GSN: variants seen among roughly 807,000 people sequenced by gnomAD.
GSN encodes actin-depolymerizing factor.
GSN carries 56 observed loss-of-function variants against 85.7 expected under a neutral mutation model. The ratio of observed to expected loss-of-function variants is 0.65; its 90% CI spans 0.53 to 0.82. GSN has a LOEUF of 0.82. Ranked by LOEUF, GSN falls within the 40% of genes least tolerant of loss-of-function variation. GSN has a pLI of 0.00. For synonymous variants in GSN, 373 were observed against 399.1 expected (o/e 0.93, Z 0.78); for missense variants, 857 against 979.8 (o/e 0.87, Z 1.67).
intron 4 of GSN, among the ~76,000 whole-genome samples, chr9:121,218,765 T>C (rs908827648): frequency 5.3e-5 from 8 of 152,224 alleles, no homozygotes; most frequent in African/African-American, 1.7e-4. Context: ...CAAATGTCCC[T>C]GTGCAAGCCA....
intron 11 of GSN, among the ~76,000 whole-genome samples, chr9:121,322,082 C>T (rs2062541361): frequency 6.6e-6 from 1 of 152,124 alleles, no homozygotes. Context: ...TTACATGGTT[C>T]AAAAATCAAA....
intron 1 of GSN, among the ~76,000 whole-genome samples, chr9:121,270,060 AG>A (rs1320091105): frequency 6.6e-6 from 1 of 152,230 alleles, no homozygotes; most frequent in African/African-American, 2.4e-5. Context: ...TGTCTAGGTG[AG>A]CCAGACCTCA....
At chr9:121,267,901 T>C (rs10818524), upstream of GSN, among the ~76,000 whole-genome samples, 57,448 of 152,042 alleles carry the variant, frequency 0.38, 13,513 homozygotes, top group East Asian at 0.6. Flanking sequence ...ACCCTAGGCC[T>C]CTTCAGATCT....
chr9:121,327,600 C>A, intron 14 of GSN, 118 bp downstream of exon 14: 1 of 790,694 alleles, frequency 1.3e-6, no homozygotes, highest in East Asian at 2.7e-5. Context: ...GGGCCTGTCC[C>A]CTAATGTATG....
chr9:121,224,250 C>T (rs1470880067), intron 4 of GSN, among the ~76,000 whole-genome samples: 2 of 152,086 alleles, frequency 1.3e-5, no homozygotes, highest in Non-Finnish European at 1.5e-5. Context: ...GCGCCCGTCA[C>T]CACGCCCGGC....
chr9:121,255,154 T>G (rs1412962398), intron 6 of GSN, among the ~76,000 whole-genome samples: 2 of 152,172 alleles, frequency 1.3e-5, no homozygotes, highest in Non-Finnish European at 2.9e-5. Context: ...TTCACCGTAT[T>G]AGCCAGGATG....
chr9:121,257,459 G>C (rs567464860), intron 6 of GSN, among the ~76,000 whole-genome samples: 1 of 152,306 alleles, frequency 6.6e-6, no homozygotes, highest in African/African-American at 2.4e-5. Flanking sequence ...CTTCCACGAA[G>C]GTATGTGACC....
intron 12 of GSN, among the ~76,000 whole-genome samples, chr9:121,326,192 A>C (rs2063143777): frequency 6.6e-6 from 1 of 151,252 alleles, no homozygotes; most frequent in African/African-American, 2.4e-5. Flanking sequence ...GTCCACCAGC[A>C]ATCCCTGTGC....
At chr9:121,298,181 C>T (rs2059394852) in intron 2 of GSN, among the ~76,000 whole-genome samples, 1 of 152,108 alleles carries the variant, frequency 6.6e-6, no homozygotes, top group South Asian at 2.1e-4. Flanking sequence ...CCCTCTGCAG[C>T]CTCCTCTGCT....
intron 5 of GSN, chr9:121,312,095 T>A: frequency 2.1e-6 from 1 of 482,330 alleles, no homozygotes; most frequent in Non-Finnish European, 3.7e-6. Flanking sequence ...TTGCACACAT[T>A]CTAGATGTAG....
chr9:121,293,646 C>T (rs1263966832), intron 2 of GSN, among the ~76,000 whole-genome samples: 1 of 148,568 alleles, frequency 6.7e-6, no homozygotes, highest in African/African-American at 2.5e-5. Flanking sequence ...GGCAGTGAGC[C>T]GAGATCACGC....
In GSN at chr9:121,239,508, G is replaced by A. The variant is rs573167447; in HGVS notation, c.-389+8205G>A. The stretch of plus-strand genomic sequence containing the variant: ...TGGATTCATTTAGCAAACCAGTCTG[G>A]TGGCAGATTTGAGCTGCAATCTTTG... On this transcript the variant is annotated intron_variant, in intron 5 of 24. Transcript: ENST00000373823. 203 of 308,252 alleles carry A rather than the reference G, an allele frequency of 6.6e-4. 3 individuals are homozygous for A. The highest frequency in any genetic ancestry group is 3.4e-3 in the South Asian group (106 of 31,078). 19.1% of individuals were successfully genotyped at this position (308,252 alleles called of 1,614,324 possible).
rs1045869639 is a variant in GSN at position 121,261,694 on chromosome 9, A to C, written c.-340-3460A>C. ...TGGTCTCCCGTAACTCAGTGGATGT[A>C]CCCTGTATCCCTGACACACTGGCTC... is the stretch of plus-strand genomic sequence containing the variant. On this transcript the variant is annotated intron_variant, in intron 6 of 24. Transcript: ENST00000373823. The surrounding 1 kb of genome is among the most constrained non-coding windows in gnomAD (Gnocchi z 4.1). 3.3e-5 allele frequency among the ~76,000 whole-genome samples: 5 copies of C among 152,126 alleles called. No homozygotes were observed. The highest frequency in any genetic ancestry group is 1.2e-4 in the African/African-American group (5 of 41,408).
rs1278180729 is a variant in GSN, at chr9:121,317,211, C to T, written c.879C>T (p.Val293=). ...ACGGCAAAGATGGGAAAATCTTTGT[C>T]TGGAAAGGTACTGGAGACAGGGAAA... ...LDHGKDGKIF[V]WKGKQANTEE... Residue 293 remains valine, a synonymous_variant, in exon 8 of 18, where the codon GTC becomes GTT. Coordinates refer to ENST00000432226, the MANE Select transcript of GSN (RefSeq NM_198252.3). 6.2e-7 allele frequency: 1 copy of T among 1,614,110 alleles called. No homozygotes were observed. Among genetic ancestry groups the T allele is most frequent in the Non-Finnish European group, 8.5e-7 (1 of 1,180,014 alleles).
chr9:121,208,377 A>C, intron 1 of GSN, among the ~76,000 whole-genome samples: 1 of 152,166 alleles, frequency 6.6e-6, no homozygotes, highest in East Asian at 1.9e-4. Flanking sequence ...CCTGCTTAGA[A>C]TACATGGGTT....
intron 11 of GSN, 147 bp from the exon 12 acceptor site, chr9:121,324,407 C>G: frequency 1.5e-6 from 1 of 666,088 alleles, no homozygotes; most frequent in South Asian, 1.6e-5. Flanking sequence ...TGGTTCCTGG[C>G]TCTCGTTGTT....
At chr9:121,307,934 C>T (rs2060598402) in intron 4 of GSN, among the ~76,000 whole-genome samples, 1 of 152,254 alleles carries the variant, frequency 6.6e-6, no homozygotes, top group African/African-American at 2.4e-5. Context: ...AATCCCAGGC[C>T]TCACGGCCAT....
chr9:121,264,268 CAT>C (rs996002535), upstream of GSN, among the ~76,000 whole-genome samples: 12 of 151,788 alleles, frequency 7.9e-5, no homozygotes, highest in African/African-American at 2.7e-4. Context: ...AGTCTGGTAA[CAT>C]AGAGAGACTT....
intron 4 of GSN, among the ~76,000 whole-genome samples, chr9:121,230,701 A>G (rs2054371103): frequency 1.3e-5 from 2 of 152,192 alleles, no homozygotes. Context: ...GGGTTCATTC[A>G]TAGAAAGTGC....
Sources: gnomAD v4.1 joint callset for allele counts (sites outside exome capture counted in the v4.1 genomes callset) on GRCh38, gnomAD v4.1.1 for gene constraint, Gnocchi (gnomAD v3.1) non-coding constraint, MANE v1.5 for transcripts, NCBI Gene and HGNC (gene_info 2026-07-23, HGNC 2026-07-21) for gene names.